RUNDC3B: variants seen among roughly 807,000 people sequenced by gnomAD.
RUNDC3B encodes the protein RUN domain containing 3B.
In RUNDC3B, 33 loss-of-function variants were observed where a neutral mutation model predicts 58.4. The ratio of observed to expected loss-of-function variants is 0.56; its 90% CI spans 0.43 to 0.75. The LOEUF (loss-of-function observed/expected upper bound fraction) is 0.75, where lower values mean the gene tolerates loss of function less well. RUNDC3B is among the 30% of genes least tolerant of loss of function. RUNDC3B has a pLI of 0.00. For synonymous variants in RUNDC3B, 193 were observed against 195.2 expected (o/e 0.99, Z 0.10); for missense variants, 501 against 535.7 (o/e 0.94, Z 0.64).
intron 3 of RUNDC3B, among the ~76,000 whole-genome samples, chr7:87,707,830 T>C (rs1829745195): frequency 6.6e-6 from 1 of 152,168 alleles, no homozygotes; most frequent in South Asian, 2.1e-4. Context: ...GTAAAGTATG[T>C]TCTCTAACCA....
chr7:87,663,369 G>A (rs76190983), intron 2 of RUNDC3B, among the ~76,000 whole-genome samples: 7,311 of 151,992 alleles, frequency 0.048, 262 homozygotes, highest in East Asian at 0.089. Flanking sequence ...CAGTTCAGCT[G>A]CATTCTTCCC....
intron 2 of RUNDC3B, 130 bp from the exon 3 acceptor site, chr7:87,700,291 G>C (rs1828909384): frequency 1.5e-6 from 1 of 687,864 alleles, no homozygotes; most frequent in Non-Finnish European, 2.3e-6. Flanking sequence ...TTGACACCTA[G>C]ATTGGTGGTG....
intron 2 of RUNDC3B, among the ~76,000 whole-genome samples, chr7:87,684,638 C>T (rs750159351): frequency 1.0e-4 from 15 of 149,026 alleles, no homozygotes; most frequent in Admixed American, 6.1e-4. Flanking sequence ...GCCCCAGCTA[C>T]GCAGGAGGCT....
intron 3 of RUNDC3B, among the ~76,000 whole-genome samples, chr7:87,704,262 A>C (rs1829398762): frequency 6.6e-6 from 1 of 152,102 alleles, no homozygotes. Flanking sequence ...TAAGAATTAT[A>C]TCTACATTTC....
chr7:87,729,021 C>A (rs1308358062), intron 4 of RUNDC3B, among the ~76,000 whole-genome samples: 1 of 152,076 alleles, frequency 6.6e-6, no homozygotes, highest in East Asian at 1.9e-4. Flanking sequence ...TCTTGTCTAT[C>A]CACAAAGACA....
intron 1 of RUNDC3B, among the ~76,000 whole-genome samples, chr7:87,644,751 C>CTT (rs1300856565): frequency 6.6e-6 from 1 of 151,020 alleles, no homozygotes; most frequent in Non-Finnish European, 1.5e-5. Context: ...CTTATTCTCT[C>CTT]TGTGTATATA....
In RUNDC3B at chr7:87,741,489, A is replaced by G. The variant is rs569729580; in HGVS notation, c.549-10A>G. 13 of 1,411,542 alleles carry G rather than the reference A, an allele frequency of 9.2e-6. No homozygotes were observed. Among genetic ancestry groups the G allele is most frequent in the African/African-American group, 8.7e-5 (6 of 69,232 alleles). 87.4% of individuals were successfully genotyped at this position (1,411,542 alleles called of 1,614,324 possible). ...TATTAATAGGAAATATTTATTTTCT[A>G]TTGTCTTAGTTTCTGCCTAAAGGGA... On this transcript the variant is annotated splice_polypyrimidine_tract_variant and intron_variant, in intron 5 of 10. Coordinates refer to ENST00000394654, the MANE Select transcript of RUNDC3B (RefSeq NM_001134405.2).
At chr7:87,808,292 C>T (rs975477484) in intron 9 of RUNDC3B, among the ~76,000 whole-genome samples, 15 of 151,526 alleles carry the variant, frequency 9.9e-5, no homozygotes, top group Non-Finnish European at 1.6e-4. Flanking sequence ...CTCCCTTTTT[C>T]CTATCTCTTT....
chr7:87,752,555 C>G (rs554218809), intron 6 of RUNDC3B, among the ~76,000 whole-genome samples: 7,630 of 152,116 alleles, frequency 0.05, 216 homozygotes, highest in Non-Finnish European at 0.058. Flanking sequence ...ATTTCAGATC[C>G]TGTTATTGGT....
intron 4 of RUNDC3B, among the ~76,000 whole-genome samples, chr7:87,736,873 ATATATATATATATATATTTTTT>A (rs1452944359): frequency 4.3e-3 from 163 of 37,558 alleles, no homozygotes; most frequent in East Asian, 0.041. Context: ...ATATATATAT[ATATATATATATATATATTTTTT>A]TTTTTTTTTT....
chr7:87,698,173 C>A (rs997429280), intron 2 of RUNDC3B, among the ~76,000 whole-genome samples: 1 of 152,204 alleles, frequency 6.6e-6, no homozygotes, highest in South Asian at 2.1e-4. Flanking sequence ...GATCTCGGCT[C>A]ACTGCAAGCT....
Position 87,637,305 on chromosome 7 carries a change from C to T in RUNDC3B, c.122+8360C>T, listed in dbSNP as rs530644211. 9.2e-5 allele frequency among the ~76,000 whole-genome samples: 14 copies of T among 152,226 alleles called. No homozygotes were observed. The South Asian group carries it at 2.7e-3, about 29-fold the overall frequency. ...CTATTTGTCTCTCCTGAGCTAATAT[C>T]GTACTAAATTAATACCTATAACTTT... On this transcript the variant is annotated intron_variant, in intron 1 of 10. Coordinates refer to ENST00000394654, the MANE Select transcript of RUNDC3B (RefSeq NM_001134405.2).
chr7:87,811,926 C>T (rs969976322), intron 9 of RUNDC3B, among the ~76,000 whole-genome samples: 2 of 152,124 alleles, frequency 1.3e-5, no homozygotes, highest in African/African-American at 4.8e-5. Context: ...ACAAAAAGTA[C>T]ATATCTGTCT....
chr7:87,707,495 G>A (rs911856928), intron 3 of RUNDC3B, among the ~76,000 whole-genome samples: 10 of 151,852 alleles, frequency 6.6e-5, no homozygotes, highest in Non-Finnish European at 1.5e-5. Flanking sequence ...GCAACATGGC[G>A]AAACCCAGTC....
intron 1 of RUNDC3B, among the ~76,000 whole-genome samples, chr7:87,643,342 AT>A (rs1822642261): frequency 6.6e-6 from 1 of 152,186 alleles, no homozygotes; most frequent in Admixed American, 6.5e-5. Flanking sequence ...TTTGGTTCCA[AT>A]AAAAGTTTAT....
At chr7:87,801,743 C>T (rs914172301) in intron 8 of RUNDC3B, among the ~76,000 whole-genome samples, 8 of 152,048 alleles carry the variant, frequency 5.3e-5, no homozygotes, top group African/African-American at 1.4e-4. Flanking sequence ...CACTCCTGGG[C>T]GAAAGAGCAA....
At chr7:87,735,019 C>T (rs951285135) in intron 4 of RUNDC3B, among the ~76,000 whole-genome samples, 11 of 152,082 alleles carry the variant, frequency 7.2e-5, no homozygotes, top group South Asian at 2.1e-4. Context: ...CCTGGAGTTT[C>T]GTCCATTCCC....
chr7:87,767,149 A>T (rs1834018294), intron 6 of RUNDC3B, among the ~76,000 whole-genome samples: 1 of 152,014 alleles, frequency 6.6e-6, no homozygotes, highest in African/African-American at 2.4e-5. Context: ...TGTTTTTCTG[A>T]TCTCTTTGTG....
intron 6 of RUNDC3B, among the ~76,000 whole-genome samples, chr7:87,770,300 CTCTT>C (rs1322502062): frequency 3.9e-5 from 6 of 152,044 alleles, no homozygotes; most frequent in African/African-American, 1.4e-4. Flanking sequence ...TCTTTTCTCT[CTCTT>C]TTGGGCATTC....
Sources: gnomAD v4.1 joint callset for allele counts (sites outside exome capture counted in the v4.1 genomes callset) on GRCh38, gnomAD v4.1.1 for gene constraint, MANE v1.5 for transcripts, NCBI Gene and HGNC (gene_info 2026-07-23, HGNC 2026-07-21) for gene names.